TRPM6: variants seen among roughly 807,000 people sequenced by gnomAD.
The protein encoded by TRPM6 is channel kinase 2.
In TRPM6, 111 loss-of-function variants were observed where a neutral mutation model predicts 247.6. The observed-to-expected ratio is 0.45, with a 90% confidence interval of 0.38 to 0.52. The LOEUF is 0.52. Ranked by LOEUF, TRPM6 falls within the 20% of genes least tolerant of loss-of-function variation. The probability of loss-of-function intolerance (pLI) is 0.00; values close to 1 mark genes in which losing one functional copy is unlikely to be tolerated. For synonymous variants in TRPM6, 892 were observed against 853.8 expected, an observed-to-expected ratio of 1.04 and a Z score of -0.78; for missense variants, 2,126 against 2,421.5, an observed-to-expected ratio of 0.88 and a Z score of 2.56.
At chr9:74,752,210 T>C (rs1460082817) in intron 29 of TRPM6, 67 bp downstream of exon 29, 67 of 870,140 alleles carry the variant, frequency 7.7e-5, no homozygotes, top group Admixed American at 1.6e-4. Context: ...AAAGGTAAAA[T>C]GGGCGTAGTC....
Position 74,762,729 on chromosome 9 carries a change from T to C in TRPM6, c.3942A>G (p.Arg1314=), listed in dbSNP as rs777962495. 2 of 1,614,180 alleles carry C rather than the reference T, an allele frequency of 1.2e-6. No homozygotes were observed. The highest frequency in any genetic ancestry group is 1.7e-5 in the Admixed American group (1 of 60,030). Residue 1314 remains arginine (R), a synonymous_variant, in exon 26 of 39, where the codon AGA becomes AGG. Transcript: ENST00000360774. ...TNSKREATNV[R]NDQERQETQS... ...GTGTTTCTTGCCTTTCCTGGTCATTTCTTACATTTGTAGCCTCTCTTTTAC... is the reference window on the plus strand; with the variant it reads ...GTGTTTCTTGCCTTTCCTGGTCATTCCTTACATTTGTAGCCTCTCTTTTAC...
intron 6 of TRPM6, among the ~76,000 whole-genome samples, chr9:74,833,221 A>G (rs536738381): frequency 6.6e-6 from 1 of 152,322 alleles, no homozygotes; most frequent in African/African-American, 2.4e-5. Flanking sequence ...ACACATACAT[A>G]GAAAAAATTC....
At chr9:74,882,181 A>G (rs1301815151) in intron 1 of TRPM6, among the ~76,000 whole-genome samples, 1 of 152,022 alleles carries the variant, frequency 6.6e-6, no homozygotes, top group Non-Finnish European at 1.5e-5. Flanking sequence ...ACAGACAACA[A>G]AAACAAAAGT....
chr9:74,860,031 C>T (rs950007298), intron 1 of TRPM6, among the ~76,000 whole-genome samples: 4 of 152,074 alleles, frequency 2.6e-5, no homozygotes, highest in Non-Finnish European at 5.9e-5. Flanking sequence ...CCAACATGCA[C>T]CAATCCTAAA....
At chr9:74,835,172 C>T (rs1184916657) in intron 5 of TRPM6, among the ~76,000 whole-genome samples, 1 of 152,170 alleles carries the variant, frequency 6.6e-6, no homozygotes, top group Non-Finnish European at 1.5e-5. Context: ...ATCTGCATTT[C>T]TCTGATGGCC....
intron 19 of TRPM6, among the ~76,000 whole-genome samples, chr9:74,789,960 C>CAAAAAAA: frequency 1.5e-5 from 1 of 65,140 alleles, no homozygotes; most frequent in Non-Finnish European, 2.8e-5. Context: ...GACTCCATCT[C>CAAAAAAA]AAAAAAAAAA....
In TRPM6 at chr9:74,842,183, G is replaced by A; in HGVS notation, c.313C>T (p.His105Tyr). ...FGTINFQDGE[H>Y]THHAKYIRTS... ...TAGCAAACCTTGGCATGATGGGTGT[G>A]CTCTCCATCTTGGAAATTAATCGTG... The change falls in exon 4 of 39, where the codon CAC becomes TAC. Residue 105 changes from histidine to tyrosine, a missense_variant. His to Tyr is a moderately conservative substitution (Grantham distance 83, BLOSUM62 2). Around this residue, in one of 3 missense-constraint regions of TRPM6, gnomAD observed 1,082 missense variants for 1,307.9 expected, o/e 0.83. Transcript: ENST00000360774. 6.2e-7 allele frequency: 1 copy of A among 1,613,728 alleles called. No individual in the cohort carries two copies. Among genetic ancestry groups the A allele is most frequent in the Non-Finnish European group, 8.5e-7 (1 of 1,179,954 alleles).
intron 20 of TRPM6, 59 bp from the exon 21 acceptor site, chr9:74,786,184 A>C: frequency 1.3e-6 from 2 of 1,584,346 alleles, no homozygotes; most frequent in Non-Finnish European, 1.7e-6. Flanking sequence ...TCCCATCAAT[A>C]TGATCTTCTT....
chr9:74,817,743 G>T (rs936985189), intron 9 of TRPM6, among the ~76,000 whole-genome samples: 4 of 151,918 alleles, frequency 2.6e-5, no homozygotes, highest in South Asian at 2.1e-4. Flanking sequence ...CAAAAAAAGG[G>T]GGGGGGAGTC....
chr9:74,812,534 T>C, intron 11 of TRPM6, 101 bp from the exon 12 acceptor site: 1 of 1,201,600 alleles, frequency 8.3e-7, no homozygotes, highest in Admixed American at 2.0e-5. Context: ...ACACAATAAT[T>C]TTAAAATAAA....
At chr9:74,767,708 C>A (rs1479709489) in intron 25 of TRPM6, among the ~76,000 whole-genome samples, 2 of 152,092 alleles carry the variant, frequency 1.3e-5, no homozygotes, top group Admixed American at 6.6e-5. Context: ...GTAACTCACG[C>A]CTGTAATCCC....
intron 1 of TRPM6, among the ~76,000 whole-genome samples, chr9:74,875,002 T>C (rs1831150117): frequency 6.6e-6 from 1 of 151,726 alleles, no homozygotes; most frequent in African/African-American, 2.4e-5. Flanking sequence ...TGACCTCAGG[T>C]GATCTGCCCA....
intron 28 of TRPM6, among the ~76,000 whole-genome samples, chr9:74,753,022 A>G (rs1406946004): frequency 2.0e-5 from 3 of 151,638 alleles, no homozygotes; most frequent in African/African-American, 7.3e-5. Context: ...CTGAGGCAAG[A>G]GAATCGCTTG....
chr9:74,798,248 A>G (rs1828171506), intron 17 of TRPM6, among the ~76,000 whole-genome samples: 1 of 148,254 alleles, frequency 6.7e-6, no homozygotes, highest in South Asian at 2.2e-4. Flanking sequence ...AACCGAAGTC[A>G]TATCCTTGTC....
intron 29 of TRPM6, 27 bp from the exon 30 acceptor site, chr9:74,750,749 T>C: frequency 6.2e-7 from 1 of 1,611,926 alleles, no homozygotes; most frequent in African/African-American, 1.3e-5. Flanking sequence ...GGCCGTTACG[T>C]GTGTGCTCAA....
Position 74,848,263 on chromosome 9 carries a change from C to T in TRPM6, c.153-5920G>A, listed in dbSNP as rs1017392721. Among the ~76,000 whole-genome samples the T allele has an allele frequency of 5.9e-5, 9 of 152,234 alleles. No individual in the cohort carries two copies. The East Asian group carries it at 1.7e-3, about 29-fold the overall frequency. Reference sequence around the variant, plus strand: ...TTTGGCATGTCCAAATTGCCTGCATCACTACTCTTGCACTTTGGAGCCATT... The same window carrying T: ...TTTGGCATGTCCAAATTGCCTGCATTACTACTCTTGCACTTTGGAGCCATT... On this transcript the variant is annotated intron_variant, in intron 3 of 38. Transcript: ENST00000360774.
At chr9:74,748,547 G>A (rs1826126286) in intron 30 of TRPM6, among the ~76,000 whole-genome samples, 1 of 152,126 alleles carries the variant, frequency 6.6e-6, no homozygotes, top group Non-Finnish European at 1.5e-5. Context: ...TCCTGATCCT[G>A]TGTAGGTCTA....
chr9:74,747,884 C>G lies in TRPM6; in HGVS notation c.5083+5G>C. Reference sequence around the variant, plus strand: ...AAAATAAAATGTTTAAACAGAAAAACTTACTGTCAACTCCAATTGAACTTT... The same window carrying G: ...AAAATAAAATGTTTAAACAGAAAAAGTTACTGTCAACTCCAATTGAACTTT... On this transcript the variant is annotated splice_donor_5th_base_variant and intron_variant, in intron 31 of 38. Coordinates refer to ENST00000360774, the MANE Select transcript of TRPM6 (RefSeq NM_017662.5). 6.2e-7 allele frequency: 1 copy of G among 1,605,256 alleles called. No homozygotes were observed. The highest frequency in any genetic ancestry group is 8.5e-7 in the Non-Finnish European group (1 of 1,174,636).
At chr9:74,744,018 G>T in intron 32 of TRPM6, 77 bp downstream of exon 32, 1 of 1,391,980 alleles carries the variant, frequency 7.2e-7, no homozygotes, top group Non-Finnish European at 1.0e-6. Context: ...CACAGAATTT[G>T]TCAGTGTTTC....
Sources: gnomAD v4.1 joint callset for allele counts (sites outside exome capture counted in the v4.1 genomes callset) on GRCh38, gnomAD v4.1.1 for gene constraint, gnomAD v4.1.1 regional missense constraint, MANE v1.5 for transcripts, NCBI Gene and HGNC (gene_info 2026-07-23, HGNC 2026-07-21) for gene names.